OSBPL1A: variants seen among roughly 807,000 people sequenced by gnomAD.
OSBPL1A encodes the protein oxysterol-binding protein-related protein 1.
Under a neutral mutation model 137.1 loss-of-function variants are expected in OSBPL1A, and 80 were observed. The ratio of observed to expected loss-of-function variants is 0.58; its 90% CI spans 0.49 to 0.70. The LOEUF (loss-of-function observed/expected upper bound fraction) is 0.70, where lower values mean the gene tolerates loss of function less well. Among genes scored for constraint, OSBPL1A ranks in the 30% least tolerant of loss-of-function variants. The probability of loss-of-function intolerance (pLI) is 0.00; values close to 1 mark genes in which losing one functional copy is unlikely to be tolerated. For synonymous variants in OSBPL1A, 365 were observed against 389.7 expected (o/e 0.94, Z 0.75); for missense variants, 970 against 1,129.4 (o/e 0.86, Z 2.02).
intron 2 of OSBPL1A, among the ~76,000 whole-genome samples, chr18:24,373,782 C>T (rs534952383): frequency 5.9e-5 from 9 of 152,106 alleles, no homozygotes; most frequent in Non-Finnish European, 1.3e-4. Flanking sequence ...AGGAACCCCC[C>T]ACATGGAAAC....
chr18:24,351,820 G>A (rs779707403), intron 4 of OSBPL1A, among the ~76,000 whole-genome samples: 3 of 152,158 alleles, frequency 2.0e-5, no homozygotes, highest in Admixed American at 6.5e-5. Context: ...GATTATAGGC[G>A]TGAGCCACTG....
chr18:24,209,776 G>A (rs992981700), intron 17 of OSBPL1A, among the ~76,000 whole-genome samples: 2 of 152,170 alleles, frequency 1.3e-5, no homozygotes, highest in Admixed American at 1.3e-4. Flanking sequence ...CACATTCAAG[G>A]AGCACACGCA....
chr18:24,310,054 A>G (rs1039961329), intron 13 of OSBPL1A, among the ~76,000 whole-genome samples: 2 of 151,162 alleles, frequency 1.3e-5, no homozygotes, highest in African/African-American at 4.9e-5. Flanking sequence ...CTCAAAAAAA[A>G]AAAAAAGAAA....
intron 4 of OSBPL1A, among the ~76,000 whole-genome samples, chr18:24,363,263 G>A (rs1043915565): frequency 6.6e-6 from 1 of 152,026 alleles, no homozygotes; most frequent in African/African-American, 2.4e-5. Flanking sequence ...GAAAAATCAA[G>A]GTGTTGCAAG....
intron 11 of OSBPL1A, 53 bp downstream of exon 11, chr18:24,317,096 T>G: frequency 6.3e-7 from 1 of 1,578,510 alleles, no homozygotes. Flanking sequence ...GGTCAATCAC[T>G]TGAAGAACTG....
At chr18:24,390,694 CAAAAAAAA>C (rs751432894) in intron 1 of OSBPL1A, among the ~76,000 whole-genome samples, 22 of 56,202 alleles carry the variant, frequency 3.9e-4, no homozygotes, top group Non-Finnish European at 6.1e-4. Flanking sequence ...GACTCCGTCT[CAAAAAAAA>C]AAAAAAAAAA....
rs570964213 is a variant in OSBPL1A, at chr18:24,389,044, T to C, written c.-3+8611A>G. Reference sequence around the variant, plus strand: ...TTTTTAAAAACATTCTTCCAAATCATGAGAGCTTATTCCAGAAAAGCGCTT... The same window carrying C: ...TTTTTAAAAACATTCTTCCAAATCACGAGAGCTTATTCCAGAAAAGCGCTT... On this transcript the variant is annotated intron_variant, in intron 1 of 27. Transcript: ENST00000319481. Among the ~76,000 whole-genome samples the C allele has an allele frequency of 2.0e-5, 3 of 152,320 alleles. No individual in the cohort carries two copies. In the East Asian group the frequency reaches 5.8e-4, roughly 29 times the overall value.
intron 15 of OSBPL1A, among the ~76,000 whole-genome samples, chr18:24,272,902 A>T (rs541282441): frequency 3.4e-4 from 52 of 151,794 alleles, no homozygotes; most frequent in African/African-American, 1.3e-3. Context: ...TTATTGTATT[A>T]ATTAATTAAT....
chr18:24,380,389 G>A (rs1906492666), intron 1 of OSBPL1A, among the ~76,000 whole-genome samples: 1 of 152,208 alleles, frequency 6.6e-6, no homozygotes, highest in Non-Finnish European at 1.5e-5. Flanking sequence ...TCCATATTTG[G>A]TTTATCTGGC....
chr18:24,345,446 A>G (rs1256007198), intron 4 of OSBPL1A, among the ~76,000 whole-genome samples: 2 of 152,088 alleles, frequency 1.3e-5, no homozygotes, highest in Admixed American at 1.3e-4. Flanking sequence ...CAGCACTTTG[A>G]GAGGCCGAGG....
chr18:24,228,235 CCT>C, intron 16 of OSBPL1A, among the ~76,000 whole-genome samples: 2 of 150,984 alleles, frequency 1.3e-5, no homozygotes, highest in South Asian at 4.2e-4. Flanking sequence ...CTCTGTGCCC[CCT>C]CTTTGTCCTT....
At chr18:24,289,186 A>G (rs2090128837) in intron 14 of OSBPL1A, among the ~76,000 whole-genome samples, 1 of 152,190 alleles carries the variant, frequency 6.6e-6, no homozygotes, top group Non-Finnish European at 1.5e-5. Flanking sequence ...CCTGCTCTAC[A>G]TCAATCCCCC....
intron 4 of OSBPL1A, among the ~76,000 whole-genome samples, chr18:24,352,441 T>G (rs1033724177): frequency 1.5e-4 from 23 of 152,122 alleles, no homozygotes; most frequent in Admixed American, 1.5e-3. Context: ...GAAGAACATT[T>G]CATGCTCATG....
At chr18:24,233,008 A>G (rs4800182) in intron 16 of OSBPL1A, among the ~76,000 whole-genome samples, 52,621 of 152,122 alleles carry the variant, frequency 0.35, 9,468 homozygotes, top group Middle Eastern at 0.45. Context: ...GGGAACGCTT[A>G]GCAAGAAAGC....
intron 15 of OSBPL1A, among the ~76,000 whole-genome samples, chr18:24,275,798 G>A (rs992500582): frequency 2.0e-5 from 3 of 150,572 alleles, no homozygotes; most frequent in Non-Finnish European, 4.4e-5. Flanking sequence ...GTGCAATCTC[G>A]CTTACTGCAA....
At chr18:24,333,160 G>A in intron 6 of OSBPL1A, 74 bp from the exon 7 acceptor site, 2 of 1,515,960 alleles carry the variant, frequency 1.3e-6, no homozygotes, top group South Asian at 1.2e-5. Context: ...ACAGGAGGGT[G>A]TATCAGCAGA....
chr18:24,325,767 T>C (rs1166131417), intron 7 of OSBPL1A, among the ~76,000 whole-genome samples: 3 of 152,210 alleles, frequency 2.0e-5, no homozygotes, highest in Non-Finnish European at 4.4e-5. Flanking sequence ...AGGCGCAGCA[T>C]TGCTGAATGA....
intron 1 of OSBPL1A, among the ~76,000 whole-genome samples, chr18:24,394,266 A>G (rs2144293530): frequency 6.6e-6 from 1 of 152,328 alleles, no homozygotes; most frequent in East Asian, 1.9e-4. Flanking sequence ...ATACGGACAT[A>G]ATAAAAAACC....
intron 1 of OSBPL1A, among the ~76,000 whole-genome samples, chr18:24,382,577 A>C (rs937974541): frequency 2.6e-5 from 4 of 151,884 alleles, no homozygotes; most frequent in Non-Finnish European, 5.9e-5. Flanking sequence ...CGTCTCAAAA[A>C]AATTTTTTTT....
Sources: allele counts gnomAD v4.1 joint callset (sites outside exome capture counted in the v4.1 genomes callset), GRCh38; gene constraint gnomAD v4.1.1; transcripts MANE v1.5; gene names NCBI Gene and HGNC (gene_info 2026-07-23, HGNC 2026-07-21).